The following UBE2E1 variants were observed in gnomAD, a reference collection of about 807,000 sequenced individuals.
The protein encoded by UBE2E1 is ubiquitin-conjugating enzyme E2 E1.
UBE2E1 carries 6 observed loss-of-function variants against 21.4 expected under a neutral mutation model. The ratio of observed to expected loss-of-function variants is 0.28; its 90% CI spans 0.15 to 0.55. UBE2E1 has a LOEUF of 0.55. Among genes scored for constraint, UBE2E1 ranks in the 20% least tolerant of loss-of-function variants. The pLI, the probability that UBE2E1 is intolerant of heterozygous loss-of-function variation, is 0.93. For missense variants in UBE2E1, 142 were observed against 236.5 expected (o/e 0.60, Z 2.62); for synonymous variants, 87 against 82.7 (o/e 1.05, Z -0.28).
At chr3:23,822,690 T>C (rs1699669476) in intron 3 of UBE2E1, among the ~76,000 whole-genome samples, 1 of 152,254 alleles carries the variant, frequency 6.6e-6, no homozygotes, top group African/African-American at 2.4e-5. Context: ...CTTAAAAATA[T>C]TTTACATGCT....
In UBE2E1 at chr3:23,842,200, T is replaced by G. The variant is rs9824948; in HGVS notation, c.203+30690T>G. 0.053 allele frequency among the ~76,000 whole-genome samples: 3,733 copies of G among 69,916 alleles called. 118 individuals carry two copies. Among genetic ancestry groups the G allele is most frequent in the East Asian group, 0.36 (710 of 1,950 alleles). The allele number at this position is 69,916 out of a possible 152,430, so 45.9% of individuals were successfully genotyped here. ...TGTCATGACCCAGTAAGTGAAGGGG[T>G]GTGTGTGTGTGTGTGTGTGTGTGTG... On this transcript the variant is annotated intron_variant, in intron 3 of 5. Transcript: ENST00000306627. The surrounding 1 kb of genome is among the most constrained non-coding windows in gnomAD (Gnocchi z 4.6).
chr3:23,836,004 C>G lies in UBE2E1; in HGVS notation c.203+24494C>G, dbSNP rs1204318822. Among the ~76,000 whole-genome samples, 6 of 152,096 alleles carry G rather than the reference C, an allele frequency of 3.9e-5. No individual in the cohort carries two copies. The highest frequency in any genetic ancestry group is 7.4e-5 in the Non-Finnish European group (5 of 67,996). The stretch of plus-strand genomic sequence containing the variant: ...TCTTTTCAGCTGCTGCTTTTATGAT[C>G]TAGTTTATGGCACAGATAAGATATA... On this transcript the variant is annotated intron_variant, in intron 3 of 5. Coordinates refer to ENST00000306627, the MANE Select transcript of UBE2E1 (RefSeq NM_003341.5). This position sits in a 1 kb window ranked among gnomAD's most constrained non-coding sequence, Gnocchi z 4.1.
chr3:23,876,197 TC>T lies in UBE2E1; in HGVS notation c.204-11369del, dbSNP rs1700910752. On this transcript the variant is annotated intron_variant, in intron 3 of 5. Coordinates refer to ENST00000306627, the MANE Select transcript of UBE2E1 (RefSeq NM_003341.5). This position sits in a 1 kb window ranked among gnomAD's most constrained non-coding sequence, Gnocchi z 4.3. ...GTACATTCCTCACAGTACCAGAGCC[TC>T]TTCCTTTCCTCTTCCCCTCACCTTA... Among the ~76,000 whole-genome samples the T allele has an allele frequency of 6.6e-6, 1 of 152,228 alleles. No individual in the cohort carries two copies. The highest frequency in any genetic ancestry group is 6.5e-5 in the Admixed American group (1 of 15,278).
intron 3 of UBE2E1, among the ~76,000 whole-genome samples, chr3:23,821,727 T>C (rs1048133496): frequency 1.3e-5 from 2 of 152,114 alleles, no homozygotes; most frequent in African/African-American, 4.8e-5. Flanking sequence ...GTTTTACTGA[T>C]AGGTAGACTC....
At position 23,878,273 on chromosome 3, in the gene UBE2E1, GC is replaced by G. The variant is rs150313296; in HGVS notation, c.204-9293del. Among the ~76,000 whole-genome samples, 1,026 of 152,292 alleles carry G rather than the reference GC, an allele frequency of 6.7e-3. 10 individuals carry two copies. Among genetic ancestry groups the G allele is most frequent in the African/African-American group, 0.024 (987 of 41,556 alleles). The stretch of plus-strand genomic sequence containing the variant: ...CAGTAGCACCCAGGAGGGCAGACAG[GC>G]AAACCAGGCTGTAGACACACTGCAT... On this transcript the variant is annotated intron_variant, in intron 3 of 5. Coordinates refer to ENST00000306627, the MANE Select transcript of UBE2E1 (RefSeq NM_003341.5).
At chr3:23,845,048 C>T (rs1354366340) in intron 3 of UBE2E1, among the ~76,000 whole-genome samples, 1 of 152,038 alleles carries the variant, frequency 6.6e-6, no homozygotes, top group Admixed American at 6.6e-5. Context: ...AAACCGGATT[C>T]CTACTTAATA....
At chr3:23,819,129 A>G (rs1006752106) in intron 3 of UBE2E1, among the ~76,000 whole-genome samples, 4 of 151,880 alleles carry the variant, frequency 2.6e-5, no homozygotes, top group African/African-American at 9.7e-5. Flanking sequence ...TTAAAAATCC[A>G]AAAAATTAGC....
chr3:23,885,835 G>A (rs534963918), intron 3 of UBE2E1, among the ~76,000 whole-genome samples: 2 of 152,220 alleles, frequency 1.3e-5, no homozygotes, highest in South Asian at 4.1e-4. Flanking sequence ...ACTCCAGCCT[G>A]GGCAACAAGA....
At chr3:23,839,938 C>T (rs1369861947) in intron 3 of UBE2E1, among the ~76,000 whole-genome samples, 1 of 151,754 alleles carries the variant, frequency 6.6e-6, no homozygotes, top group Admixed American at 6.6e-5. Context: ...ATTTCTTGTG[C>T]TTGGTGTTTG....
chr3:23,846,014 T>G (rs1485425117), intron 3 of UBE2E1, among the ~76,000 whole-genome samples: 3 of 152,182 alleles, frequency 2.0e-5, no homozygotes, highest in African/African-American at 7.2e-5. Context: ...GAGTCATAGT[T>G]TGCCAACTCT....
At chr3:23,811,433 T>G in intron 2 of UBE2E1, 27 bp from the exon 3 acceptor site, 2 of 1,613,892 alleles carry the variant, frequency 1.2e-6, no homozygotes, top group Non-Finnish European at 1.7e-6. Flanking sequence ...CTTCTTGTGT[T>G]TGTCTTTCCC....
chr3:23,846,116 C>T (rs572108092), intron 3 of UBE2E1, among the ~76,000 whole-genome samples: 24 of 152,282 alleles, frequency 1.6e-4, no homozygotes, highest in African/African-American at 5.8e-4. Flanking sequence ...AAAGTTCTTA[C>T]ATCAGTAACA....
intron 3 of UBE2E1, among the ~76,000 whole-genome samples, chr3:23,832,733 T>TA (rs1699896696): frequency 6.6e-6 from 1 of 151,882 alleles, no homozygotes; most frequent in African/African-American, 2.4e-5. Flanking sequence ...AGACTTTGTC[T>TA]CAAAAAAAGA....
chr3:23,890,499 T>G lies in UBE2E1; in HGVS notation c.485-10T>G. 3 of 1,609,474 alleles carry G rather than the reference T, an allele frequency of 1.9e-6. No homozygotes were observed. Among genetic ancestry groups the G allele is most frequent in the Non-Finnish European group, 2.5e-6 (3 of 1,178,380 alleles). On this transcript the variant is annotated splice_polypyrimidine_tract_variant and intron_variant, in intron 5 of 5. Transcript: ENST00000306627. ...CTTTCTCCAAAGTAATCTACATTCT[T>G]TTCTTCCAGCCGACCCCTTGGTGGG...
chr3:23,811,525 G>T lies in UBE2E1; in HGVS notation c.203+15G>T. 1 of 1,613,318 alleles carries T rather than the reference G, an allele frequency of 6.2e-7. No individual in the cohort carries two copies. Among genetic ancestry groups the T allele is most frequent in the Non-Finnish European group, 8.5e-7 (1 of 1,179,364 alleles). ...CCTAATTGCAGGTGAGTTGCTTTTC[G>T]GATTTTTTCCATTTTTAAAATTCTT... On this transcript the variant is annotated intron_variant, in intron 3 of 5. Coordinates refer to ENST00000306627, the MANE Select transcript of UBE2E1 (RefSeq NM_003341.5).
intron 3 of UBE2E1, chr3:23,879,385 G>A: frequency 1.9e-6 from 1 of 534,052 alleles, no homozygotes; most frequent in South Asian, 1.5e-5. Flanking sequence ...GCTGCAGCCT[G>A]TATAAGACAG....
In UBE2E1 at chr3:23,850,121, T is replaced by G. The variant is rs150937397; in HGVS notation, c.204-37446T>G. Among the ~76,000 whole-genome samples, 405 of 152,318 alleles carry G rather than the reference T, an allele frequency of 2.7e-3. 4 individuals are homozygous for G. The highest frequency in any genetic ancestry group is 9.0e-3 in the African/African-American group (373 of 41,556). ...TATTTTGCCTGTTTTATTAATAAAA[T>G]TCAGGCTTTTTAATGGCTGAATTTT... On this transcript the variant is annotated intron_variant, in intron 3 of 5. Coordinates refer to ENST00000306627, the MANE Select transcript of UBE2E1 (RefSeq NM_003341.5).
intron 3 of UBE2E1, among the ~76,000 whole-genome samples, chr3:23,817,247 A>G (rs1699543529): frequency 6.6e-6 from 1 of 152,030 alleles, no homozygotes; most frequent in East Asian, 1.9e-4. Context: ...GTTTGACACC[A>G]GACTGGCCAA....
chr3:23,864,395 G>T (rs567964738), intron 3 of UBE2E1, among the ~76,000 whole-genome samples: 1 of 152,064 alleles, frequency 6.6e-6, no homozygotes, highest in African/African-American at 2.4e-5. Context: ...TACCCTTTCT[G>T]GATCACTCTC....
Sources: gnomAD v4.1 joint callset for allele counts (sites outside exome capture counted in the v4.1 genomes callset) on GRCh38, gnomAD v4.1.1 for gene constraint, Gnocchi (gnomAD v3.1) non-coding constraint, MANE v1.5 for transcripts, NCBI Gene and HGNC (gene_info 2026-07-23, HGNC 2026-07-21) for gene names.